The following CCDC3 variants were observed in gnomAD, a reference collection of about 807,000 sequenced individuals.
CCDC3 encodes the protein coiled-coil domain-containing protein 3.
In CCDC3, 24 loss-of-function variants were observed where a neutral mutation model predicts 21.4. That is an observed-to-expected ratio of 1.12 (90% CI 0.81 to 1.58). The LOEUF (loss-of-function observed/expected upper bound fraction) is 1.58, where lower values mean the gene tolerates loss of function less well. Ranked by LOEUF, CCDC3 falls within the 40% of genes most tolerant of loss-of-function variation. CCDC3 has a pLI of 0.00. For missense variants in CCDC3, 425 were observed against 360.9 expected (o/e 1.18, Z -1.44); for synonymous variants, 186 against 166.0 (o/e 1.12, Z -0.93).
At chr10:12,966,507 G>C (rs1023985643) in intron 2 of CCDC3, among the ~76,000 whole-genome samples, 1 of 152,148 alleles carries the variant, frequency 6.6e-6, no homozygotes, top group African/African-American at 2.4e-5. Context: ...AGCATGCCTA[G>C]CTCTCCCCTT....
rs1323800702 is a variant in CCDC3, at chr10:12,921,420, C to T, written c.550-22741G>A. Reference sequence around the variant, plus strand: ...GGCCTGTGCAACTTCAGCAGCCAACCCCCTCCCCGACTCGTCCCATTGGTG... The same window carrying T: ...GGCCTGTGCAACTTCAGCAGCCAACTCCCTCCCCGACTCGTCCCATTGGTG... On this transcript the variant is annotated intron_variant, in intron 2 of 2. Transcript: ENST00000378825. 2.6e-5 allele frequency among the ~76,000 whole-genome samples: 4 copies of T among 152,300 alleles called. No homozygotes were observed. The South Asian group carries it at 6.2e-4, about 24-fold the overall frequency.
intron 2 of CCDC3, among the ~76,000 whole-genome samples, chr10:12,989,391 C>CCATT (rs905520238): frequency 6.6e-6 from 1 of 152,174 alleles, no homozygotes; most frequent in Non-Finnish European, 1.5e-5. Flanking sequence ...GCCCCAGGAC[C>CCATT]CATTCATTCA....
chr10:13,092,940 A>T (rs1301354297), intron 3 of CCDC3, among the ~76,000 whole-genome samples: 3 of 151,748 alleles, frequency 2.0e-5, no homozygotes. Flanking sequence ...AGAAATGTTG[A>T]CTTTTCGTGG....
chr10:12,965,827 G>A (rs934572321), intron 2 of CCDC3, among the ~76,000 whole-genome samples: 2 of 152,212 alleles, frequency 1.3e-5, no homozygotes, highest in Middle Eastern at 3.2e-3. Flanking sequence ...AGAAGGCTTC[G>A]TGACATACAC....
At chr10:12,990,999 C>G (rs1030174940) in intron 2 of CCDC3, among the ~76,000 whole-genome samples, 10 of 152,202 alleles carry the variant, frequency 6.6e-5, no homozygotes, top group African/African-American at 2.2e-4. Context: ...TGCTCAAATA[C>G]TTGTTGACCA....
chr10:13,098,710 A>ATTTTTTTTGTTTTTTTTTTTTTT (rs1832667132), intron 2 of CCDC3: 1 of 64,854 alleles, frequency 1.5e-5, no homozygotes, highest in Non-Finnish European at 2.7e-5. Flanking sequence ...TCCTGCACTG[A>ATTTTTTTTGTTTTTTTTTTTTTT]TTTTTTTTTT....
In CCDC3 at chr10:13,056,611, C is replaced by T. The variant is rs191366797; in HGVS notation, c.-269-6670G>A. On this transcript the variant is annotated intron_variant, in intron 4 of 6. Coordinates refer to the CCDC3 transcript ENST00000378839. ...GATTGAATGCATTTCCCCCAACTTTCCCTGGAAACAGACAGCATCTTTCCA... is the reference window on the plus strand; with the variant it reads ...GATTGAATGCATTTCCCCCAACTTTTCCTGGAAACAGACAGCATCTTTCCA... Among the ~76,000 whole-genome samples the T allele has an allele frequency of 2.6e-5, 4 of 152,286 alleles. No homozygotes were observed. In the East Asian group the frequency reaches 5.8e-4, roughly 22 times the overall value.
intron 2 of CCDC3, among the ~76,000 whole-genome samples, chr10:12,964,895 T>C (rs1018786609): frequency 6.6e-6 from 1 of 152,218 alleles, no homozygotes; most frequent in Non-Finnish European, 1.5e-5. Context: ...TGCTTTGGCA[T>C]AAAGACTACT....
intron 5 of CCDC3, among the ~76,000 whole-genome samples, chr10:13,043,593 C>T (rs1836489647): frequency 6.6e-6 from 1 of 151,632 alleles, no homozygotes; most frequent in Non-Finnish European, 1.5e-5. Flanking sequence ...GACTTTGTCT[C>T]AAAAAATAAA....
chr10:12,903,956 T>C (rs551822269), intron 2 of CCDC3, among the ~76,000 whole-genome samples: 1 of 152,380 alleles, frequency 6.6e-6, no homozygotes, highest in South Asian at 2.1e-4. Context: ...CATTTCTTCC[T>C]AGTATTGTTC....
intron 5 of CCDC3, among the ~76,000 whole-genome samples, chr10:13,008,549 T>C (rs1835950286): frequency 6.6e-6 from 1 of 152,188 alleles, no homozygotes; most frequent in East Asian, 1.9e-4. Flanking sequence ...GGAAACCAGT[T>C]TCTCACTATC....
At chr10:13,095,436 T>TG (rs200865105) in intron 3 of CCDC3, among the ~76,000 whole-genome samples, 1,963 of 133,658 alleles carry the variant, frequency 0.015, 22 homozygotes, top group Non-Finnish European at 0.022. Flanking sequence ...TGGTGGTGGG[T>TG]GGGGGGGTGG....
At chr10:12,990,394 A>G (rs1287183458) in intron 2 of CCDC3, among the ~76,000 whole-genome samples, 1 of 152,238 alleles carries the variant, frequency 6.6e-6, no homozygotes, top group Non-Finnish European at 1.5e-5. Flanking sequence ...TCCGCATAGC[A>G]AAGTATGATG....
chr10:12,976,049 A>G (rs1835413081), intron 2 of CCDC3, among the ~76,000 whole-genome samples: 1 of 152,106 alleles, frequency 6.6e-6, no homozygotes, highest in Non-Finnish European at 1.5e-5. Flanking sequence ...GGACCCACAC[A>G]TTGGAGCGAT....
At chr10:12,961,563 A>T (rs2131257347) in intron 2 of CCDC3, among the ~76,000 whole-genome samples, 1 of 152,276 alleles carries the variant, frequency 6.6e-6, no homozygotes, top group South Asian at 2.1e-4. Context: ...TTTTCCCCGG[A>T]GGCTCTGGGA....
At chr10:13,090,036 T>TATATAG (rs1554766810) in intron 3 of CCDC3, among the ~76,000 whole-genome samples, 14 of 1,842 alleles carry the variant, frequency 7.6e-3, no homozygotes, top group Non-Finnish European at 0.02. Context: ...TTCCGTTAGA[T>TATATAG]ATATATATAT....
chr10:13,027,735 A>C (rs1255094058), intron 5 of CCDC3, among the ~76,000 whole-genome samples: 1 of 151,494 alleles, frequency 6.6e-6, no homozygotes, highest in African/African-American at 2.4e-5. Flanking sequence ...AAAAAAAACA[A>C]AAAAAAACTA....
At chr10:13,095,096 C>T (rs1832614700) in intron 3 of CCDC3, among the ~76,000 whole-genome samples, 1 of 151,990 alleles carries the variant, frequency 6.6e-6, no homozygotes, top group Non-Finnish European at 1.5e-5. Flanking sequence ...GAAAGGAAAG[C>T]AACCTATTAG....
intron 4 of CCDC3, among the ~76,000 whole-genome samples, chr10:13,066,874 T>A (rs1836826108): frequency 6.6e-6 from 1 of 152,090 alleles, no homozygotes; most frequent in Admixed American, 6.5e-5. Context: ...GTTTTTTTGT[T>A]TTTTTCCCTT....
Sources: gnomAD v4.1 joint callset for allele counts (sites outside exome capture counted in the v4.1 genomes callset) on GRCh38, gnomAD v4.1.1 for gene constraint, MANE v1.5 for transcripts, NCBI Gene and HGNC (gene_info 2026-07-23, HGNC 2026-07-21) for gene names.